Variants in KALRN observed in about 807,000 individuals in gnomAD.
KALRN encodes kalirin RhoGEF kinase.
A neutral mutation model predicts 353.7 loss-of-function variants in KALRN; 70 were observed. The observed-to-expected ratio is 0.20, with a 90% CI of 0.16 to 0.24. The LOEUF is 0.24. KALRN is among the 10% of genes least tolerant of loss of function. KALRN has a pLI of 1.00. For missense variants in KALRN, 2,791 were observed against 3,756.7 expected (o/e 0.74, Z 6.72); for synonymous variants, 1,391 against 1,434.8 (o/e 0.97, Z 0.69).
intron 34 of KALRN, among the ~76,000 whole-genome samples, chr3:124,617,157 C>T (rs2078703047): frequency 6.6e-6 from 1 of 152,068 alleles, no homozygotes; most frequent in South Asian, 2.1e-4. Flanking sequence ...CACGGTGAAA[C>T]CCTGTCTCTA....
At chr3:124,134,380 T>A (rs2065675257) in intron 1 of KALRN, among the ~76,000 whole-genome samples, 1 of 152,104 alleles carries the variant, frequency 6.6e-6, no homozygotes, top group Non-Finnish European at 1.5e-5. Flanking sequence ...AAAAATCAAC[T>A]CAAGGTGGAT....
rs1033435716 is a variant in KALRN, at chr3:124,491,373, C to T, written c.4638C>T (p.Phe1546=). The part of the protein sequence containing the change: ...TEHVEGDPCK[F]ALWSGRTPSS... Reference sequence around the variant, plus strand: ...ACGTGGAGGGCGATCCCTGCAAATTCGCCTTGTGGTCTGGGCGCACCCCAT... The same window carrying T: ...ACGTGGAGGGCGATCCCTGCAAATTTGCCTTGTGGTCTGGGCGCACCCCAT... The change falls in exon 31 of 60, where the codon TTC becomes TTT. Residue 1546 remains phenylalanine, a synonymous_variant. Coordinates refer to ENST00000682506, the MANE Select transcript of KALRN (RefSeq NM_001388419.1). 8.7e-6 allele frequency: 14 copies of T among 1,610,180 alleles called. No individual in the cohort carries two copies. Among genetic ancestry groups the T allele is most frequent in the African/African-American group, 1.3e-5 (1 of 74,858 alleles).
At chr3:124,570,336 C>T (rs749409599) in intron 34 of KALRN, among the ~76,000 whole-genome samples, 4 of 152,170 alleles carry the variant, frequency 2.6e-5, no homozygotes, top group Non-Finnish European at 5.9e-5. Context: ...GATTGAAGTA[C>T]GATCCTTCAA....
chr3:124,121,047 T>A lies in KALRN; in HGVS notation c.73+87234T>A, dbSNP rs532614640. On this transcript the variant is annotated intron_variant, in intron 1 of 59. Coordinates refer to ENST00000682506, the MANE Select transcript of KALRN (RefSeq NM_001388419.1). ...AGGCAGATGTTGCAGTGAGCCAAGA[T>A]CATGCCACTGCAGTCCAGCCTGGGC... 2.4e-5 allele frequency among the ~76,000 whole-genome samples: 3 copies of A among 124,724 alleles called. No homozygotes were observed. The South Asian group carries it at 7.7e-4, about 32-fold the overall frequency. The allele number at this position is 124,724 out of a possible 152,430, so 81.8% of individuals were successfully genotyped here.
In KALRN at chr3:124,483,156, A is replaced by T. The variant is rs1369252373; in HGVS notation, c.4284+256A>T. Among the ~76,000 whole-genome samples the T allele has an allele frequency of 2.0e-5, 3 of 152,246 alleles. No individual in the cohort carries two copies. The East Asian group carries it at 5.8e-4, about 29-fold the overall frequency. ...ATCTACCTACCACTGCACAGCTTTT[A>T]GCAATTGCCTTCTCAGGCACTGACT... On this transcript the variant is annotated intron_variant, in intron 28 of 59. Transcript: ENST00000682506.
At chr3:124,427,570 C>T (rs796836635) in intron 15 of KALRN, among the ~76,000 whole-genome samples, 2 of 152,340 alleles carry the variant, frequency 1.3e-5, no homozygotes, top group African/African-American at 4.8e-5. Flanking sequence ...TGGATATCCA[C>T]ATCCACTTAA....
At chr3:124,690,089 G>A (rs138457219) in intron 51 of KALRN, among the ~76,000 whole-genome samples, 1 of 152,194 alleles carries the variant, frequency 6.6e-6, no homozygotes, top group African/African-American at 2.4e-5. Context: ...GCTTTTCATT[G>A]ATTTGACAAA....
chr3:124,057,159 G>T lies in KALRN; in HGVS notation c.73+23346G>T, dbSNP rs372911541. ...TGGTGGGGAGGACGATCTGCAGACT[G>T]CTTCTTCCTCTGGAGATTAAGCCTT... On this transcript the variant is annotated intron_variant, in intron 1 of 59. Coordinates refer to ENST00000682506, the MANE Select transcript of KALRN (RefSeq NM_001388419.1). Among the ~76,000 whole-genome samples the T allele has an allele frequency of 7.2e-5, 11 of 152,174 alleles. No homozygotes were observed. In the East Asian group the frequency reaches 1.4e-3, roughly 19 times the overall value.
At chr3:124,077,171 C>A (rs1344266063) in intron 1 of KALRN, among the ~76,000 whole-genome samples, 1 of 152,178 alleles carries the variant, frequency 6.6e-6, no homozygotes, top group Admixed American at 6.5e-5. Flanking sequence ...ACATTGTCTG[C>A]GCTGGGTCAG....
At chr3:124,405,832 G>C (rs1423552382) in intron 13 of KALRN, among the ~76,000 whole-genome samples, 1 of 151,964 alleles carries the variant, frequency 6.6e-6, no homozygotes, top group Non-Finnish European at 1.5e-5. Flanking sequence ...TTTTAGTAGA[G>C]ATGAGGTTTC....
intron 34 of KALRN, among the ~76,000 whole-genome samples, chr3:124,579,693 G>A (rs969416772): frequency 7.2e-5 from 11 of 152,062 alleles, no homozygotes; most frequent in African/African-American, 1.2e-4. Context: ...CTTCATTCTC[G>A]GAGAGCTTCT....
At chr3:124,156,948 T>G (rs1236725908) in intron 1 of KALRN, among the ~76,000 whole-genome samples, 1 of 152,238 alleles carries the variant, frequency 6.6e-6, no homozygotes, top group Non-Finnish European at 1.5e-5. Context: ...TTAGGCTCTT[T>G]AATGTCTGTT....
intron 36 of KALRN, 121 bp from the exon 37 acceptor site, chr3:124,637,087 C>T (rs2276741): frequency 0.18 from 144,651 of 791,606 alleles, 16,214 homozygotes; most frequent in East Asian, 0.5. Flanking sequence ...CCTCTTCCGT[C>T]TAAACACAGA....
intron 30 of KALRN, 121 bp downstream of exon 30, chr3:124,491,005 C>A: frequency 2.3e-6 from 2 of 858,638 alleles, no homozygotes; most frequent in South Asian, 1.8e-5. Flanking sequence ...CCATCCTGGA[C>A]AAATGAAAAT....
chr3:124,393,598 C>A (rs201838099), intron 11 of KALRN, among the ~76,000 whole-genome samples: 2 of 152,114 alleles, frequency 1.3e-5, no homozygotes, highest in Admixed American at 6.5e-5. Flanking sequence ...ATTTGCATTC[C>A]CTATAGCAAT....
intron 57 of KALRN, among the ~76,000 whole-genome samples, chr3:124,707,431 T>TTCCTTCCCTCCTTCCTTCCTTCCC (rs796220047): frequency 7.5e-6 from 1 of 133,366 alleles, no homozygotes; most frequent in Admixed American, 7.2e-5. Context: ...CCTTCCTTCC[T>TTCCTTCCCTCCTTCCTTCCTTCCC]TCCTTCCTTC....
chr3:124,037,639 G>C (rs780617737), intron 1 of KALRN, among the ~76,000 whole-genome samples: 2 of 152,178 alleles, frequency 1.3e-5, no homozygotes, highest in Non-Finnish European at 2.9e-5. Context: ...ATGCAAAAGT[G>C]ATCTGGAGGT....
chr3:124,691,091 C>T (rs927285856), intron 51 of KALRN, among the ~76,000 whole-genome samples: 1 of 152,180 alleles, frequency 6.6e-6, no homozygotes, highest in Non-Finnish European at 1.5e-5. Flanking sequence ...AGCTTATAGT[C>T]TAATAGGTTC....
intron 10 of KALRN, among the ~76,000 whole-genome samples, chr3:124,368,403 G>A (rs1423372191): frequency 4.8e-5 from 7 of 147,292 alleles, no homozygotes; most frequent in Non-Finnish European, 1.1e-4. Context: ...CCGGGCAGAG[G>A]CGCTCCTCAC....
Sources: allele counts gnomAD v4.1 joint callset (sites outside exome capture counted in the v4.1 genomes callset), GRCh38; gene constraint gnomAD v4.1.1; transcripts MANE v1.5; gene names NCBI Gene and HGNC (gene_info 2026-07-23, HGNC 2026-07-21).